The following SAMD8 variants were observed in gnomAD, a reference collection of about 807,000 sequenced individuals.
SAMD8 encodes sterile alpha motif domain containing 8.
A neutral mutation model predicts 42.0 loss-of-function variants in SAMD8; 20 were observed. That is an observed-to-expected ratio of 0.48 (90% CI 0.34 to 0.69). The LOEUF (loss-of-function observed/expected upper bound fraction) is 0.69, where lower values mean the gene tolerates loss of function less well. SAMD8 is among the 30% of genes least tolerant of loss of function. The pLI is 0.01. For missense variants in SAMD8, 328 were observed against 511.6 expected, an observed-to-expected ratio of 0.64 and a Z score of 3.46; for synonymous variants, 162 against 173.0, an observed-to-expected ratio of 0.94 and a Z score of 0.50.
At chr10:75,160,590 G>C (rs112022416) in intron 2 of SAMD8, among the ~76,000 whole-genome samples, 2 of 152,138 alleles carry the variant, frequency 1.3e-5, no homozygotes. Context: ...ATAAGGGATT[G>C]AATACACATT....
intron 2 of SAMD8, among the ~76,000 whole-genome samples, chr10:75,156,754 C>A (rs539612155): frequency 6.6e-6 from 1 of 152,160 alleles, no homozygotes; most frequent in African/African-American, 2.4e-5. Context: ...AGTGTCATGG[C>A]AGGCAAAATC....
chr10:75,150,136 C>T (rs1386131029), intron 1 of SAMD8, among the ~76,000 whole-genome samples: 4 of 150,264 alleles, frequency 2.7e-5, no homozygotes, highest in African/African-American at 9.8e-5. Flanking sequence ...TTCTTTGAGA[C>T]GATCTCCCTC....
At position 75,130,616 on chromosome 10, in the gene SAMD8, A is replaced by AC. The variant is rs150971394; in HGVS notation, c.-16+18894_-16+18895insC. On this transcript the variant is annotated intron_variant, in intron 1 of 5. Transcript: ENST00000542569. ...GGAAAAGCAGCATGAAGTGATGGAA[A>AC]GAGTACTGAATTTGTTGTCAAAATT... Among the ~76,000 whole-genome samples the AC allele has an allele frequency of 5.7e-3, 863 of 152,298 alleles. 10 individuals are homozygous for AC. The highest frequency in any genetic ancestry group is 0.02 in the African/African-American group (825 of 41,554).
chr10:75,176,373 C>T lies in SAMD8; in HGVS notation c.944-15C>T, dbSNP rs370309382. ...GGAATGTAGCTTTAAAATGATCTTT[C>T]TGTCCTTTTCCTAGATACACCAAGA... On this transcript the variant is annotated splice_polypyrimidine_tract_variant and intron_variant, in intron 5 of 5. Transcript: ENST00000542569. This position sits in a 1 kb window ranked among gnomAD's most constrained non-coding sequence, Gnocchi z 4.3. The T allele has an allele frequency of 3.8e-5, 60 of 1,563,546 alleles. 1 individual carries two copies. The South Asian group carries it at 6.7e-4, about 17-fold the overall frequency.
intron 1 of SAMD8, among the ~76,000 whole-genome samples, chr10:75,136,258 A>G (rs1215494606): frequency 6.6e-6 from 1 of 152,208 alleles, no homozygotes. Flanking sequence ...TTACTATTCA[A>G]GTCTTTTTCC....
rs60024591 is a variant in SAMD8 at position 75,148,346 on chromosome 10, C to CTTTTTTTTTTTTTTTTTTTTTTTTTT, written c.-15-2143_-15-2142insTTTTTTTTTTTTTTTTTTTTTTTTTT. 1.3e-4 allele frequency among the ~76,000 whole-genome samples: 11 copies of CTTTTTTTTTTTTTTTTTTTTTTTTTT among 82,560 alleles called. 2 individuals are homozygous for CTTTTTTTTTTTTTTTTTTTTTTTTTT. Among genetic ancestry groups the CTTTTTTTTTTTTTTTTTTTTTTTTTT allele is most frequent in the African/African-American group, 4.6e-4 (7 of 15,314 alleles). The allele number at this position is 82,560 out of a possible 152,430, so 54.2% of individuals were successfully genotyped here. Reference sequence around the variant, plus strand: ...GGGAAAGAATGCAGAGCAATACCAGCTTTTTTTTTTTTTTTTTTTTTTTTT... The same window carrying CTTTTTTTTTTTTTTTTTTTTTTTTTT: ...GGGAAAGAATGCAGAGCAATACCAGCTTTTTTTTTTTTTTTTTTTTTTTTTTTTTTTTTTTTTTTTTTTTTTTTTTT... On this transcript the variant is annotated intron_variant, in intron 1 of 5. Transcript: ENST00000542569.
chr10:75,140,688 G>A (rs921842460), intron 1 of SAMD8, among the ~76,000 whole-genome samples: 5 of 152,166 alleles, frequency 3.3e-5, no homozygotes, highest in African/African-American at 7.2e-5. Context: ...GTAAGCTTAC[G>A]GTAATTTGTT....
intron 4 of SAMD8, among the ~76,000 whole-genome samples, chr10:75,173,362 A>T (rs1034420372): frequency 8.5e-5 from 13 of 152,222 alleles, no homozygotes; most frequent in Non-Finnish European, 1.2e-4. Flanking sequence ...AACCAATAAC[A>T]TGCCTATTTT....
chr10:75,121,299 G>A (rs1353432619), intron 1 of SAMD8, among the ~76,000 whole-genome samples: 2 of 152,056 alleles, frequency 1.3e-5, no homozygotes, highest in Non-Finnish European at 2.9e-5. Flanking sequence ...TAATTCTAGA[G>A]CCAGTACTCT....
At chr10:75,125,198 T>G (rs1404587109) in intron 1 of SAMD8, 1 of 152,286 alleles carries the variant, frequency 6.6e-6, no homozygotes, top group Non-Finnish European at 1.5e-5. Flanking sequence ...TCCATGGCTC[T>G]CTCAGGTCCT....
intron 1 of SAMD8, 75 bp downstream of exon 1, chr10:75,111,797 A>G: frequency 8.1e-7 from 1 of 1,230,628 alleles, no homozygotes; most frequent in Non-Finnish European, 1.0e-6. Context: ...GGAGTCTGGG[A>G]TGGAGCCGGG....
intron 1 of SAMD8, among the ~76,000 whole-genome samples, chr10:75,106,096 CTTTTCT>C (rs1288225192): frequency 3.7e-5 from 4 of 109,024 alleles, no homozygotes; most frequent in African/African-American, 1.2e-4. Context: ...TCTTTTCTTT[CTTTTCT>C]TTTTTTTTTT....
intron 2 of SAMD8, among the ~76,000 whole-genome samples, chr10:75,159,396 C>T (rs1298752880): frequency 6.6e-6 from 1 of 152,148 alleles, no homozygotes; most frequent in East Asian, 1.9e-4. Flanking sequence ...GATTTCAAAC[C>T]AAATTTTGCC....
At chr10:75,108,271 G>A (rs1848639060), upstream of SAMD8, 1 of 1,528,852 alleles carries the variant, frequency 6.5e-7, no homozygotes, top group Non-Finnish European at 8.7e-7. Flanking sequence ...GGGAGGCTGT[G>A]CCTGGCCCCC....
At position 75,161,802 on chromosome 10, in the gene SAMD8, C is replaced by T. The variant is rs139930601; in HGVS notation, c.579-2843C>T. 5.0e-3 allele frequency among the ~76,000 whole-genome samples: 756 copies of T among 151,972 alleles called. 4 individuals are homozygous for T. The highest frequency in any genetic ancestry group is 0.017 in the African/African-American group (718 of 41,470). On this transcript the variant is annotated intron_variant, in intron 2 of 5. Coordinates refer to ENST00000542569, the MANE Select transcript of SAMD8 (RefSeq NM_001174156.2). The stretch of plus-strand genomic sequence containing the variant: ...GCGCTTTGGGAGCACTTTGGGAGGC[C>T]GAGGTGGCCAGGTCACCTGAGGTCA...
At chr10:75,155,756 C>G (rs1840397775) in intron 2 of SAMD8, among the ~76,000 whole-genome samples, 1 of 152,144 alleles carries the variant, frequency 6.6e-6, no homozygotes. Flanking sequence ...TAAATGCTTA[C>G]CCATGGGAAG....
At chr10:75,103,548 T>C (rs191411293) in intron 1 of SAMD8, among the ~76,000 whole-genome samples, 9 of 152,322 alleles carry the variant, frequency 5.9e-5, no homozygotes, top group East Asian at 5.8e-4. Context: ...GGACCTTCAA[T>C]TGGGCCTACT....
At chr10:75,124,646 A>C (rs1849088035) in intron 1 of SAMD8, among the ~76,000 whole-genome samples, 1 of 151,686 alleles carries the variant, frequency 6.6e-6, no homozygotes, top group East Asian at 1.9e-4. Flanking sequence ...TGTCAGAAAA[A>C]TCTAGAGAGC....
chr10:75,147,841 G>C (rs1840179116), intron 1 of SAMD8, among the ~76,000 whole-genome samples: 1 of 152,046 alleles, frequency 6.6e-6, no homozygotes, highest in Non-Finnish European at 1.5e-5. Context: ...TTGTATATAT[G>C]ATATAATAAA....
Sources: allele counts gnomAD v4.1 joint callset (sites outside exome capture counted in the v4.1 genomes callset), GRCh38; gene constraint gnomAD v4.1.1; non-coding constraint Gnocchi (gnomAD v3.1); transcripts MANE v1.5; gene names NCBI Gene and HGNC (gene_info 2026-07-23, HGNC 2026-07-21).